Variants in KHDRBS2 observed in about 807,000 individuals in gnomAD.
KHDRBS2 encodes the protein KH domain-containing, RNA-binding, signal transduction-associated protein 2.
Under a neutral mutation model 44.3 loss-of-function variants are expected in KHDRBS2, and 26 were observed. The observed-to-expected ratio is 0.59, with a 90% CI of 0.43 to 0.81. KHDRBS2 has a LOEUF of 0.81. KHDRBS2 is among the 40% of genes least tolerant of loss of function. The pLI is 0.00. For synonymous variants in KHDRBS2, 194 were observed against 151.1 expected (o/e 1.28, Z -2.08); for missense variants, 476 against 433.1 (o/e 1.10, Z -0.88).
intron 3 of KHDRBS2, among the ~76,000 whole-genome samples, chr6:62,028,821 A>G (rs1783834951): frequency 6.6e-6 from 1 of 152,102 alleles, no homozygotes; most frequent in African/African-American, 2.4e-5. Flanking sequence ...ATTTCAGAGA[A>G]AGTGAAAATT....
rs1401988452 is a variant in KHDRBS2 at position 61,890,276 on chromosome 6, A to G, written c.810+4359T>C. 2.6e-5 allele frequency among the ~76,000 whole-genome samples: 4 copies of G among 152,334 alleles called. No homozygotes were observed. The East Asian group carries it at 5.8e-4, about 22-fold the overall frequency. ...AAAATCTAAATAATAATTTCAGATT[A>G]CCTAATATTTAATATTTTACTATTT... On this transcript the variant is annotated intron_variant, in intron 6 of 8. Transcript: ENST00000281156.
chr6:61,571,537 G>A, the KHDRBS2 span, among the ~76,000 whole-genome samples: 5 of 151,944 alleles, frequency 3.3e-5, no homozygotes, highest in African/African-American at 1.2e-4. Context: ...ACAATGGACT[G>A]AAACTATACC....
the KHDRBS2 span, among the ~76,000 whole-genome samples, chr6:61,645,229 A>G: frequency 6.6e-6 from 1 of 152,100 alleles, no homozygotes; most frequent in East Asian, 1.9e-4. Flanking sequence ...ATGAAATATC[A>G]CATGTTCTCA....
intron 4 of KHDRBS2, among the ~76,000 whole-genome samples, chr6:61,953,597 A>C (rs1765233118): frequency 6.6e-6 from 1 of 152,164 alleles, no homozygotes; most frequent in Non-Finnish European, 1.5e-5. Flanking sequence ...AGAACAATTA[A>C]GTATAGCTCT....
chr6:62,248,684 T>C (rs1411766613), intron 1 of KHDRBS2, among the ~76,000 whole-genome samples: 1 of 152,130 alleles, frequency 6.6e-6, no homozygotes, highest in Non-Finnish European at 1.5e-5. Flanking sequence ...TCAATATTAA[T>C]GAGGGCATTG....
intron 2 of KHDRBS2, among the ~76,000 whole-genome samples, chr6:62,114,457 CTTAT>C (rs1805737224): frequency 6.6e-6 from 1 of 151,898 alleles, no homozygotes; most frequent in Non-Finnish European, 1.5e-5. Flanking sequence ...CTATATTTTT[CTTAT>C]TTGAGAAACG....
chr6:61,726,079 A>G (rs1029749030), intron 7 of KHDRBS2, among the ~76,000 whole-genome samples: 1 of 152,162 alleles, frequency 6.6e-6, no homozygotes, highest in Non-Finnish European at 1.5e-5. Flanking sequence ...ATCCAGCAGC[A>G]CATCAAAAAA....
chr6:62,027,773 G>C (rs1783634277), intron 3 of KHDRBS2, among the ~76,000 whole-genome samples: 3 of 152,094 alleles, frequency 2.0e-5, no homozygotes, highest in Admixed American at 2.0e-4. Flanking sequence ...TGGTGGGAGG[G>C]TGCCGTGCCT....
the KHDRBS2 span, among the ~76,000 whole-genome samples, chr6:61,668,472 T>C: frequency 6.6e-6 from 1 of 151,044 alleles, no homozygotes; most frequent in Non-Finnish European, 1.5e-5. Context: ...AAGAAAGTAA[T>C]TATTCTGAGA....
intron 6 of KHDRBS2, among the ~76,000 whole-genome samples, chr6:61,866,566 T>C (rs1157002698): frequency 6.6e-6 from 1 of 152,242 alleles, no homozygotes; most frequent in Non-Finnish European, 1.5e-5. Flanking sequence ...TCCTCACTAC[T>C]TATGTAAATT....
intron 1 of KHDRBS2, among the ~76,000 whole-genome samples, chr6:62,258,173 A>T (rs1837725423): frequency 6.6e-6 from 1 of 151,994 alleles, no homozygotes; most frequent in African/African-American, 2.4e-5. Context: ...GTGAGAAGAA[A>T]CATGAGATGC....
At chr6:61,642,630 C>A in the KHDRBS2 span, among the ~76,000 whole-genome samples, 1 of 149,538 alleles carries the variant, frequency 6.7e-6, no homozygotes, top group Non-Finnish European at 1.5e-5. Flanking sequence ...CAATGTACTC[C>A]AGCCTGGGTG....
At chr6:62,133,546 T>C (rs1810828409) in intron 2 of KHDRBS2, among the ~76,000 whole-genome samples, 1 of 152,102 alleles carries the variant, frequency 6.6e-6, no homozygotes, top group Non-Finnish European at 1.5e-5. Flanking sequence ...AGACAGTAAG[T>C]TGGTACCAGT....
chr6:62,063,350 C>A (rs145918627), intron 2 of KHDRBS2, among the ~76,000 whole-genome samples: 106,684 of 149,736 alleles, frequency 0.71, 39,289 homozygotes, highest in East Asian at 0.82. Flanking sequence ...AGACCAATAT[C>A]CTTGATGAAC....
chr6:61,576,727 C>G, the KHDRBS2 span, among the ~76,000 whole-genome samples: 5 of 152,226 alleles, frequency 3.3e-5, no homozygotes, highest in South Asian at 1.0e-3. Context: ...TCAAGACTAT[C>G]CCTGTTATAC....
At chr6:62,064,577 T>C (rs1214188288) in intron 2 of KHDRBS2, among the ~76,000 whole-genome samples, 1 of 147,894 alleles carries the variant, frequency 6.8e-6, no homozygotes, top group Admixed American at 6.8e-5. Flanking sequence ...TGGCTAGCCA[T>C]ATGTAGAAAG....
intron 6 of KHDRBS2, among the ~76,000 whole-genome samples, chr6:61,777,758 A>G (rs1262497649): frequency 1.3e-5 from 2 of 152,170 alleles, no homozygotes; most frequent in Non-Finnish European, 2.9e-5. Context: ...CAAAAATTCC[A>G]GCACTCTTAT....
At chr6:61,936,237 TTTTC>T (rs1264907138) in intron 4 of KHDRBS2, among the ~76,000 whole-genome samples, 3 of 152,066 alleles carry the variant, frequency 2.0e-5, no homozygotes, top group Non-Finnish European at 4.4e-5. Context: ...ATTGATCACA[TTTTC>T]TTTCTTTTTT....
intron 6 of KHDRBS2, among the ~76,000 whole-genome samples, chr6:61,878,861 C>T (rs1478190761): frequency 2.0e-5 from 3 of 151,866 alleles, no homozygotes; most frequent in Non-Finnish European, 2.9e-5. Context: ...GGGCATAATA[C>T]CAATAAAAAT....
Sources: gnomAD v4.1 joint callset for allele counts (sites outside exome capture counted in the v4.1 genomes callset) on GRCh38, gnomAD v4.1.1 for gene constraint, MANE v1.5 for transcripts, NCBI Gene and HGNC (gene_info 2026-07-23, HGNC 2026-07-21) for gene names.